The following FSTL4 variants were observed in gnomAD, a reference collection of about 807,000 sequenced individuals.
The protein encoded by FSTL4 is follistatin-related protein 4.
A neutral mutation model predicts 78.2 loss-of-function variants in FSTL4; 28 were observed. The observed-to-expected ratio is 0.36, with a 90% CI of 0.27 to 0.49. The LOEUF (loss-of-function observed/expected upper bound fraction) is 0.49, where lower values mean the gene tolerates loss of function less well. Ranked by LOEUF, FSTL4 falls within the 20% of genes least tolerant of loss-of-function variation. The pLI, the probability that FSTL4 is intolerant of heterozygous loss-of-function variation, is 0.98. For missense variants in FSTL4, 922 were observed against 1,084.9 expected, an observed-to-expected ratio of 0.85 and a Z score of 2.11; for synonymous variants, 422 against 440.5, an observed-to-expected ratio of 0.96 and a Z score of 0.53.
At chr5:133,582,190 G>A (rs1017758747) in intron 2 of FSTL4, among the ~76,000 whole-genome samples, 1 of 152,188 alleles carries the variant, frequency 6.6e-6, no homozygotes, top group Non-Finnish European at 1.5e-5. Context: ...GGAAGAGTAG[G>A]CTCAAGCAGC....
At chr5:133,540,264 C>T (rs953318769) in intron 3 of FSTL4, among the ~76,000 whole-genome samples, 2 of 52,838 alleles carry the variant, frequency 3.8e-5, no homozygotes, top group African/African-American at 2.1e-4. Context: ...CACACACACA[C>T]GCACTCATTC....
chr5:133,807,970 C>T, the FSTL4 span, among the ~76,000 whole-genome samples: 1 of 152,146 alleles, frequency 6.6e-6, no homozygotes, highest in Non-Finnish European at 1.5e-5. Context: ...CCTTCTGCTG[C>T]CTTGGATTTT....
At chr5:133,565,701 C>T (rs1459679443) in intron 3 of FSTL4, among the ~76,000 whole-genome samples, 1 of 152,228 alleles carries the variant, frequency 6.6e-6, no homozygotes, top group Non-Finnish European at 1.5e-5. Flanking sequence ...CATAAGTTCA[C>T]TCAGACCTTT....
intron 4 of FSTL4, among the ~76,000 whole-genome samples, chr5:133,319,000 C>T (rs146950786): frequency 1.2e-3 from 185 of 152,348 alleles, no homozygotes; most frequent in Non-Finnish European, 1.5e-3. Flanking sequence ...CACGGACTGG[C>T]GTCCCCCTGT....
chr5:133,798,999 AGAGAGAG>A, the FSTL4 span, among the ~76,000 whole-genome samples: 1 of 83,700 alleles, frequency 1.2e-5, no homozygotes, highest in African/African-American at 4.3e-5. Flanking sequence ...GAAGGGAGGG[AGAGAGAG>A]GGGAAGGGAA....
At chr5:133,240,325 A>T (rs1222852812) in intron 7 of FSTL4, among the ~76,000 whole-genome samples, 1 of 152,214 alleles carries the variant, frequency 6.6e-6, no homozygotes, top group Non-Finnish European at 1.5e-5. Flanking sequence ...CATCCTGCAA[A>T]GACCTGAGGA....
chr5:133,220,230 G>C (rs1485333465), intron 12 of FSTL4, among the ~76,000 whole-genome samples: 2 of 152,268 alleles, frequency 1.3e-5, no homozygotes, highest in Non-Finnish European at 2.9e-5. Flanking sequence ...AAGGAGCGCA[G>C]GGTATCCTGC....
intron 6 of FSTL4, among the ~76,000 whole-genome samples, chr5:133,293,951 T>C (rs902531185): frequency 6.6e-6 from 1 of 152,208 alleles, no homozygotes; most frequent in African/African-American, 2.4e-5. Flanking sequence ...TATTTGTCCA[T>C]GGCACGGGAC....
At chr5:133,752,359 T>C in the FSTL4 span, among the ~76,000 whole-genome samples, 1 of 152,148 alleles carries the variant, frequency 6.6e-6, no homozygotes, top group African/African-American at 2.4e-5. Flanking sequence ...GCTGAGCCTA[T>C]AGGTTTTCCC....
intron 7 of FSTL4, among the ~76,000 whole-genome samples, chr5:133,237,100 T>A (rs79403023): frequency 0.011 from 1,603 of 152,200 alleles, 18 homozygotes; most frequent in South Asian, 0.048. Context: ...TCCTGTCCAC[T>A]CAAATATTAC....
chr5:133,753,689 G>GTT, the FSTL4 span, among the ~76,000 whole-genome samples: 11 of 43,560 alleles, frequency 2.5e-4, no homozygotes, highest in East Asian at 1.5e-3. Flanking sequence ...TGTTCTGTGT[G>GTT]TGTGTGTGTG....
intron 4 of FSTL4, among the ~76,000 whole-genome samples, chr5:133,394,925 G>A (rs1422994318): frequency 6.6e-6 from 1 of 152,194 alleles, no homozygotes; most frequent in African/African-American, 2.4e-5. Flanking sequence ...TCAGCACCCT[G>A]TGTCTAGCTC....
At chr5:133,833,890 G>T in the FSTL4 span, among the ~76,000 whole-genome samples, 1 of 152,124 alleles carries the variant, frequency 6.6e-6, no homozygotes, top group Non-Finnish European at 1.5e-5. Context: ...TCTGACTACA[G>T]AAACAAACTA....
At chr5:133,701,468 A>AACACACACAC in the FSTL4 span, among the ~76,000 whole-genome samples, 669 of 129,054 alleles carry the variant, frequency 5.2e-3, 6 homozygotes, top group African/African-American at 0.012. Context: ...AAGACACAGA[A>AACACACACAC]ACACACACAC....
intron 3 of FSTL4, among the ~76,000 whole-genome samples, chr5:133,536,536 A>ATATTTAAAATTTCTTTAAAAT (rs1759353023): frequency 6.6e-6 from 1 of 152,128 alleles, no homozygotes; most frequent in African/African-American, 2.4e-5. Context: ...GCCATAATAA[A>ATATTTAAAATTTCTTTAAAAT]TATTTAAAAT....
chr5:133,424,594 CA>C (rs1756766750), intron 3 of FSTL4, among the ~76,000 whole-genome samples: 1 of 152,184 alleles, frequency 6.6e-6, no homozygotes, highest in African/African-American at 2.4e-5. Context: ...TGGTGACACT[CA>C]AGCACTACAG....
chr5:133,568,988 C>T (rs1580795112), intron 2 of FSTL4, among the ~76,000 whole-genome samples: 2 of 152,048 alleles, frequency 1.3e-5, no homozygotes, highest in South Asian at 2.1e-4. Context: ...TTTCCTTGTG[C>T]GTATTTTGAA....
chr5:133,816,230 G>A, the FSTL4 span, among the ~76,000 whole-genome samples: 4 of 152,214 alleles, frequency 2.6e-5, no homozygotes, highest in Non-Finnish European at 5.9e-5. Context: ...TGGTAGAGTG[G>A]AGGCCTTGCA....
At position 133,210,265 on chromosome 5, in the gene FSTL4, A is replaced by C. The variant is rs1750663214; in HGVS notation, c.1642T>G (p.Ser548Ala). 1 of 1,612,234 alleles carries C rather than the reference A, an allele frequency of 6.2e-7. No homozygotes were observed. The highest frequency in any genetic ancestry group is 8.5e-7 in the Non-Finnish European group (1 of 1,178,392). Residue 548 changes from serine to alanine, a missense_variant, in exon 14 of 16, where the codon TCC becomes GCC. Ser to Ala is a moderately conservative substitution (Grantham distance 99, BLOSUM62 1). Transcript: ENST00000265342. Reference protein sequence around the residue: ...IGVDPLPAKLSYDKSHDQVWV... With the variant: ...IGVDPLPAKLAYDKSHDQVWV... ...ACTTGGTCATGTGACTTGTCATAGG[A>C]CAGCTTAGCCGGCAGAGGGTCCACA...
Sources: gnomAD v4.1 joint callset for allele counts (sites outside exome capture counted in the v4.1 genomes callset) on GRCh38, gnomAD v4.1.1 for gene constraint, MANE v1.5 for transcripts, NCBI Gene and HGNC (gene_info 2026-07-23, HGNC 2026-07-21) for gene names.